The following MECOM variants were observed in gnomAD, a reference collection of about 807,000 sequenced individuals.
MECOM encodes the protein histone-lysine N-methyltransferase MECOM.
MECOM carries 13 observed loss-of-function variants against 116.3 expected under a neutral mutation model. The ratio of observed to expected loss-of-function variants is 0.11; its 90% CI spans 0.07 to 0.18. The LOEUF (loss-of-function observed/expected upper bound fraction) is 0.18, where lower values mean the gene tolerates loss of function less well. Among genes scored for constraint, MECOM ranks in the 10% least tolerant of loss-of-function variants. MECOM has a pLI of 1.00. For synonymous variants in MECOM, 528 were observed against 535.2 expected, an observed-to-expected ratio of 0.99 and a Z score of 0.19; for missense variants, 1,299 against 1,509.0, an observed-to-expected ratio of 0.86 and a Z score of 2.31.
chr3:169,653,011 T>C (rs972939313), intron 1 of MECOM, among the ~76,000 whole-genome samples: 1 of 152,080 alleles, frequency 6.6e-6, no homozygotes, highest in African/African-American at 2.4e-5. Flanking sequence ...CAATAACAAT[T>C]TGTGATTTAA....
chr3:169,461,727 G>C (rs1747479187), intron 1 of MECOM, among the ~76,000 whole-genome samples: 1 of 152,126 alleles, frequency 6.6e-6, no homozygotes. Context: ...CTGCCTGTGT[G>C]TGCAAAAGTA....
intron 1 of MECOM, among the ~76,000 whole-genome samples, chr3:169,401,187 G>A (rs1316103330): frequency 6.6e-6 from 1 of 152,146 alleles, no homozygotes; most frequent in Non-Finnish European, 1.5e-5. Context: ...CAGACAGCAC[G>A]TGATGCTCAC....
Position 169,216,533 on chromosome 3 carries a change from G to C in MECOM, c.376-72701C>G, listed in dbSNP as rs538185100. Reference sequence around the variant, plus strand: ...CATACATTTTTGCTATTTCTGAAATGAGAAGAAATAAATGTACTGCTAATT... The same window carrying C: ...CATACATTTTTGCTATTTCTGAAATCAGAAGAAATAAATGTACTGCTAATT... On this transcript the variant is annotated intron_variant, in intron 2 of 16. Transcript: ENST00000651503. Among the ~76,000 whole-genome samples the C allele has an allele frequency of 2.1e-4, 31 of 148,484 alleles. No homozygotes were observed. The East Asian group carries it at 6.1e-3, about 29-fold the overall frequency.
chr3:169,363,761 C>A (rs1176363611), intron 2 of MECOM, among the ~76,000 whole-genome samples: 3 of 151,900 alleles, frequency 2.0e-5, no homozygotes, highest in African/African-American at 7.2e-5. Flanking sequence ...CACCCCGAGA[C>A]TGAACACGCA....
intron 2 of MECOM, among the ~76,000 whole-genome samples, chr3:169,282,889 ATT>A (rs11360418): frequency 7.4e-5 from 11 of 149,078 alleles, no homozygotes; most frequent in African/African-American, 2.4e-4. Flanking sequence ...ACAGTTCTTA[ATT>A]TTTTTTTTTC....
At chr3:169,603,357 G>T (rs1161168501) in intron 1 of MECOM, among the ~76,000 whole-genome samples, 1 of 152,092 alleles carries the variant, frequency 6.6e-6, no homozygotes, top group Non-Finnish European at 1.5e-5. Flanking sequence ...TAAGCTGTTA[G>T]CACAGGAGTC....
intron 1 of MECOM, among the ~76,000 whole-genome samples, chr3:169,452,886 A>G (rs917908947): frequency 6.6e-6 from 1 of 152,226 alleles, no homozygotes; most frequent in African/African-American, 2.4e-5. Flanking sequence ...GGCATGAGAA[A>G]AAGCAATGGC....
chr3:169,654,857 G>T (rs569895621), intron 1 of MECOM, among the ~76,000 whole-genome samples: 2 of 150,500 alleles, frequency 1.3e-5, no homozygotes, highest in South Asian at 2.1e-4. Flanking sequence ...AACTTGAGGT[G>T]GGGAAGAAGA....
At chr3:169,348,809 A>T (rs924398304) in intron 2 of MECOM, among the ~76,000 whole-genome samples, 3 of 152,052 alleles carry the variant, frequency 2.0e-5, no homozygotes, top group Non-Finnish European at 4.4e-5. Context: ...AATTATGAAG[A>T]ACAGAACAAA....
chr3:169,252,404 C>T (rs1711074), intron 2 of MECOM, among the ~76,000 whole-genome samples: 68,988 of 150,922 alleles, frequency 0.46, 16,076 homozygotes, highest in East Asian at 0.68. Flanking sequence ...GGTTAGAAAA[C>T]GGAGATTTAT....
At chr3:169,610,498 CGTGTGT>C (rs3045470) in intron 1 of MECOM, among the ~76,000 whole-genome samples, 32 of 128,704 alleles carry the variant, frequency 2.5e-4, no homozygotes, top group Middle Eastern at 4.0e-3. Flanking sequence ...TGTAATGTTA[CGTGTGT>C]GTGTGTGTGT....
chr3:169,465,337 T>C (rs1364356186), intron 1 of MECOM, among the ~76,000 whole-genome samples: 8 of 152,348 alleles, frequency 5.3e-5, no homozygotes, highest in African/African-American at 1.9e-4. Flanking sequence ...TTTCCTAGTA[T>C]TGTTATTTAA....
intron 1 of MECOM, among the ~76,000 whole-genome samples, chr3:169,435,537 T>A (rs1392636467): frequency 3.3e-5 from 5 of 152,120 alleles, no homozygotes; most frequent in African/African-American, 1.2e-4. Context: ...TTCTCCAAAA[T>A]AACCTACCTT....
intron 2 of MECOM, among the ~76,000 whole-genome samples, chr3:169,347,566 C>A (rs573518354): frequency 1.3e-5 from 2 of 151,956 alleles, no homozygotes; most frequent in Admixed American, 1.3e-4. Flanking sequence ...ATCATACTAA[C>A]CACAAATAAA....
At chr3:169,230,295 GC>G (rs1450718235) in intron 2 of MECOM, among the ~76,000 whole-genome samples, 1 of 151,778 alleles carries the variant, frequency 6.6e-6, no homozygotes, top group Non-Finnish European at 1.5e-5. Flanking sequence ...AACTTAGCCA[GC>G]TTTTTTCTTT....
At chr3:169,302,489 C>T (rs1331962187) in intron 2 of MECOM, among the ~76,000 whole-genome samples, 1 of 152,098 alleles carries the variant, frequency 6.6e-6, no homozygotes, top group African/African-American at 2.4e-5. Flanking sequence ...ATAATTATCG[C>T]CTGGTTAATA....
At chr3:169,543,803 A>G (rs1248268976) in intron 1 of MECOM, among the ~76,000 whole-genome samples, 4 of 152,198 alleles carry the variant, frequency 2.6e-5, no homozygotes, top group African/African-American at 7.2e-5. Context: ...TTCTTCCTAC[A>G]GGGATATTTC....
chr3:169,283,397 A>T (rs1423905488), intron 2 of MECOM, among the ~76,000 whole-genome samples: 1 of 145,292 alleles, frequency 6.9e-6, no homozygotes, highest in Admixed American at 6.6e-5. Context: ...CCCTGGTGAC[A>T]GAACAAGACC....
intron 2 of MECOM, among the ~76,000 whole-genome samples, chr3:169,357,733 C>T (rs1308823296): frequency 6.6e-6 from 1 of 151,452 alleles, no homozygotes; most frequent in African/African-American, 2.4e-5. Context: ...TTAATTTAAC[C>T]AAAACCATTA....
Sources: allele counts gnomAD v4.1 joint callset (sites outside exome capture counted in the v4.1 genomes callset), GRCh38; gene constraint gnomAD v4.1.1; transcripts MANE v1.5; gene names NCBI Gene and HGNC (gene_info 2026-07-23, HGNC 2026-07-21).